Variants in SLC8A1 observed in about 807,000 individuals in gnomAD.
The protein encoded by SLC8A1 is solute carrier family 8 member A1.
A neutral mutation model predicts 68.3 loss-of-function variants in SLC8A1; 18 were observed. The observed-to-expected ratio is 0.26, with a 90% CI of 0.18 to 0.39. The LOEUF (loss-of-function observed/expected upper bound fraction) is 0.39, where lower values mean the gene tolerates loss of function less well. Ranked by LOEUF, SLC8A1 falls within the 10% of genes least tolerant of loss-of-function variation. The pLI, the probability that SLC8A1 is intolerant of heterozygous loss-of-function variation, is 1.00. For synonymous variants in SLC8A1, 475 were observed against 415.5 expected, an observed-to-expected ratio of 1.14 and a Z score of -1.74; for missense variants, 985 against 1,156.7, an observed-to-expected ratio of 0.85 and a Z score of 2.15.
At chr2:40,162,975 C>G (rs936906347) in intron 5 of SLC8A1, among the ~76,000 whole-genome samples, 2 of 152,070 alleles carry the variant, frequency 1.3e-5, no homozygotes, top group Admixed American at 6.5e-5. Context: ...AAAGAGATTT[C>G]TTAAATAATA....
At chr2:40,223,891 G>C (rs2058658001) in intron 2 of SLC8A1, 1 of 152,054 alleles carries the variant, frequency 6.6e-6, no homozygotes, top group South Asian at 2.1e-4. Flanking sequence ...TTTATAATAG[G>C]AGAAGTTGGA....
At chr2:40,271,200 A>T (rs1477511389) in intron 2 of SLC8A1, among the ~76,000 whole-genome samples, 3 of 151,474 alleles carry the variant, frequency 2.0e-5, no homozygotes, top group Admixed American at 2.0e-4. Context: ...AGAGCGTGAC[A>T]TGATCTGGCT....
intron 2 of SLC8A1, among the ~76,000 whole-genome samples, chr2:40,417,362 A>AT (rs1694187849): frequency 6.6e-6 from 1 of 152,164 alleles, no homozygotes; most frequent in Non-Finnish European, 1.5e-5. Flanking sequence ...CCCAGGAGAC[A>AT]TCATTGGGAA....
chr2:40,475,440 A>C (rs188561020), intron 1 of SLC8A1, among the ~76,000 whole-genome samples: 1 of 152,250 alleles, frequency 6.6e-6, no homozygotes, highest in Non-Finnish European at 1.5e-5. Flanking sequence ...GCCTATAAAA[A>C]TTATTGAGGA....
intron 7 of SLC8A1, among the ~76,000 whole-genome samples, chr2:40,124,334 TACTC>T (rs752720295): frequency 1.3e-5 from 2 of 152,208 alleles, no homozygotes; most frequent in Non-Finnish European, 2.9e-5. Context: ...CCTAGTTAGT[TACTC>T]ACTCCAGAGA....
intron 2 of SLC8A1, among the ~76,000 whole-genome samples, chr2:40,298,731 A>G (rs1269124858): frequency 6.6e-6 from 1 of 152,222 alleles, no homozygotes; most frequent in East Asian, 1.9e-4. Flanking sequence ...AAGAGATGGT[A>G]AAGGAAAGCA....
chr2:40,161,300 G>T (rs2045639448), intron 5 of SLC8A1, among the ~76,000 whole-genome samples: 1 of 152,102 alleles, frequency 6.6e-6, no homozygotes. Flanking sequence ...TATTGCTATT[G>T]TATTTTGTTT....
intron 7 of SLC8A1, among the ~76,000 whole-genome samples, chr2:40,116,561 T>C (rs1346366095): frequency 6.7e-6 from 1 of 149,174 alleles, no homozygotes; most frequent in Admixed American, 6.7e-5. Context: ...GAATATGCGG[T>C]GTTTGGTTTT....
intron 2 of SLC8A1, among the ~76,000 whole-genome samples, chr2:40,198,102 A>C (rs2053440758): frequency 6.6e-6 from 1 of 151,952 alleles, no homozygotes. Flanking sequence ...GGACTTGCCA[A>C]CTCTGGTCAG....
chr2:40,371,267 C>T (rs1255125405), intron 2 of SLC8A1, among the ~76,000 whole-genome samples: 1 of 152,004 alleles, frequency 6.6e-6, no homozygotes, highest in Non-Finnish European at 1.5e-5. Flanking sequence ...AAAGTAGAAG[C>T]AAATTGCTCA....
At chr2:40,146,427 C>T (rs376118260) in intron 6 of SLC8A1, among the ~76,000 whole-genome samples, 72 of 152,272 alleles carry the variant, frequency 4.7e-4, no homozygotes, top group African/African-American at 1.7e-3. Context: ...TGTCCAGGCC[C>T]CATCCCCTAG....
chr2:40,353,340 TG>T (rs1255074665), intron 2 of SLC8A1, among the ~76,000 whole-genome samples: 1 of 152,116 alleles, frequency 6.6e-6, no homozygotes, highest in African/African-American at 2.4e-5. Flanking sequence ...CCCTCGCTGC[TG>T]GGGGCCCCAC....
chr2:40,355,193 G>A (rs1672299126), intron 2 of SLC8A1, among the ~76,000 whole-genome samples: 1 of 152,120 alleles, frequency 6.6e-6, no homozygotes, highest in Non-Finnish European at 1.5e-5. Flanking sequence ...GCAATCAAGA[G>A]TCTGATACTG....
intron 2 of SLC8A1, among the ~76,000 whole-genome samples, chr2:40,308,232 T>C (rs965472625): frequency 3.3e-5 from 5 of 152,100 alleles, no homozygotes; most frequent in African/African-American, 1.2e-4. Flanking sequence ...ATCTTTCCTA[T>C]TATGAATAAA....
intron 1 of SLC8A1, among the ~76,000 whole-genome samples, chr2:40,492,790 A>G (rs953144349): frequency 2.0e-5 from 3 of 149,178 alleles, no homozygotes; most frequent in Non-Finnish European, 4.5e-5. Context: ...CAAAACCACA[A>G]TGAGATACCA....
At chr2:40,491,194 C>A (rs1207942530) in intron 1 of SLC8A1, among the ~76,000 whole-genome samples, 1 of 152,082 alleles carries the variant, frequency 6.6e-6, no homozygotes, top group Non-Finnish European at 1.5e-5. Flanking sequence ...TGAAAAGGTC[C>A]TTCACGTCCC....
intron 2 of SLC8A1, among the ~76,000 whole-genome samples, chr2:40,372,159 C>G (rs1196291976): frequency 6.6e-6 from 1 of 152,114 alleles, no homozygotes; most frequent in Non-Finnish European, 1.5e-5. Flanking sequence ...CAACCCTAGA[C>G]TTTCCTCTAA....
chr2:40,215,918 A>C (rs2148809847), intron 2 of SLC8A1, among the ~76,000 whole-genome samples: 1 of 151,652 alleles, frequency 6.6e-6, no homozygotes. Flanking sequence ...AATCCTACCA[A>C]ACTCCTCTGC....
chr2:40,223,405 T>A (rs748277664), intron 2 of SLC8A1, among the ~76,000 whole-genome samples: 2 of 152,058 alleles, frequency 1.3e-5, no homozygotes, highest in African/African-American at 2.4e-5. Flanking sequence ...GTAGGAGGCA[T>A]ACCTAATGCA....
Sources: allele counts gnomAD v4.1 joint callset (sites outside exome capture counted in the v4.1 genomes callset), GRCh38; gene constraint gnomAD v4.1.1; transcripts MANE v1.5; gene names NCBI Gene and HGNC (gene_info 2026-07-23, HGNC 2026-07-21).